Variants in ZBTB46 observed in about 807,000 individuals in gnomAD.
ZBTB46 encodes zinc finger and BTB domain containing 46, also known as zinc finger and BTB domain-containing protein 46.
Under a neutral mutation model 44.1 loss-of-function variants are expected in ZBTB46, and 8 were observed. The ratio of observed to expected loss-of-function variants is 0.18; its 90% CI spans 0.11 to 0.33. The LOEUF is 0.33. Among genes scored for constraint, ZBTB46 ranks in the 10% least tolerant of loss-of-function variants. The pLI, the probability that ZBTB46 is intolerant of heterozygous loss-of-function variation, is 1.00. For synonymous variants in ZBTB46, 409 were observed against 382.3 expected, an observed-to-expected ratio of 1.07 and a Z score of -0.81; for missense variants, 651 against 847.7, an observed-to-expected ratio of 0.77 and a Z score of 2.88.
At chr20:63,771,411 C>T (rs961415104) in intron 3 of ZBTB46, among the ~76,000 whole-genome samples, 2 of 152,162 alleles carry the variant, frequency 1.3e-5, no homozygotes, top group Non-Finnish European at 1.5e-5. Flanking sequence ...AGGGGGGCCA[C>T]GCGGTCCCGC....
At chr20:63,816,148 TGCA>T (rs2092756374) in intron 1 of ZBTB46, among the ~76,000 whole-genome samples, 1 of 149,588 alleles carries the variant, frequency 6.7e-6, no homozygotes, top group Non-Finnish European at 1.5e-5. Context: ...TGGGTGCAGG[TGCA>T]GTGGGTGCAG....
At chr20:63,769,256 TG>T (rs2092346786) in intron 3 of ZBTB46, 2 of 985,376 alleles carry the variant, frequency 2.0e-6, no homozygotes, top group African/African-American at 3.5e-5. Context: ...TTACCTGAGC[TG>T]GGGGAGGCTG....
chr20:63,816,111 A>AGTGGGCGCAG (rs1238530199), intron 1 of ZBTB46, among the ~76,000 whole-genome samples: 3 of 138,514 alleles, frequency 2.2e-5, no homozygotes, highest in Non-Finnish European at 4.7e-5. Flanking sequence ...GCGCAGGTGC[A>AGTGGGCGCAG]GTGGGCGCAG....
At chr20:63,817,930 T>C (rs1485168979) in intron 1 of ZBTB46, among the ~76,000 whole-genome samples, 1 of 152,024 alleles carries the variant, frequency 6.6e-6, no homozygotes, top group African/African-American at 2.4e-5. Context: ...CGATGCTGGG[T>C]GTCAGCCTCC....
At position 63,772,765 on chromosome 20, in the gene ZBTB46, A is replaced by ACACACACC. The variant is rs760494766; in HGVS notation, c.1222+2912_1222+2913insGGTGTGTG. The stretch of plus-strand genomic sequence containing the variant: ...CACACACACACACACACACACACAC[A>ACACACACC]CAGAAGTGCGGGGTGTGCCCTCACC... On this transcript the variant is annotated intron_variant, in intron 3 of 4. Transcript: ENST00000245663. Among the ~76,000 whole-genome samples the ACACACACC allele has an allele frequency of 1.2e-3, 64 of 53,034 alleles. 1 individual carries two copies. Among genetic ancestry groups the ACACACACC allele is most frequent in the Admixed American group, 4.6e-3 (33 of 7,218 alleles). 34.8% of individuals were successfully genotyped at this position (53,034 alleles called of 152,430 possible). A position where few individuals can be genotyped will look rare whatever the true frequency, so the allele number is the denominator to read the frequency against.
intron 2 of ZBTB46, among the ~76,000 whole-genome samples, 200 bp from the exon 3 acceptor site, chr20:63,776,162 A>C (rs1344322209): frequency 6.6e-6 from 1 of 152,208 alleles, no homozygotes; most frequent in African/African-American, 2.4e-5. Context: ...CTGCCCACCC[A>C]GGTCCCATGG....
Position 63,813,477 on chromosome 20 carries a change from T to C in ZBTB46, c.-34+17620A>G, listed in dbSNP as rs555525908. Reference sequence around the variant, plus strand: ...AAAAAAAATAAATAAATAAATAAAATACATTAAGTTGGAAATTCCAATGTA... The same window carrying C: ...AAAAAAAATAAATAAATAAATAAAACACATTAAGTTGGAAATTCCAATGTA... On this transcript the variant is annotated intron_variant, in intron 1 of 4. Transcript: ENST00000245663. Among the ~76,000 whole-genome samples, 27 of 151,608 alleles carry C rather than the reference T, an allele frequency of 1.8e-4. No individual in the cohort carries two copies. The South Asian group carries it at 5.0e-3, about 28-fold the overall frequency.
intron 1 of ZBTB46, among the ~76,000 whole-genome samples, chr20:63,817,631 G>T (rs550083898): frequency 6.7e-6 from 1 of 149,120 alleles, no homozygotes; most frequent in Admixed American, 6.7e-5. Context: ...CAGGAGAATC[G>T]CTTAAACCTG....
chr20:63,815,252 T>C, intron 1 of ZBTB46: 2 of 265,380 alleles, frequency 7.5e-6, no homozygotes, highest in East Asian at 1.4e-4. Flanking sequence ...GCAGGTGCAG[T>C]GGGTGCAGGT....
At chr20:63,796,772 C>T (rs1267831942) in intron 1 of ZBTB46, among the ~76,000 whole-genome samples, 1 of 152,124 alleles carries the variant, frequency 6.6e-6, no homozygotes, top group Admixed American at 6.5e-5. Context: ...TTGCAGTGAG[C>T]CGAGATCATA....
At chr20:63,766,982 G>A (rs1179777463) in intron 3 of ZBTB46, among the ~76,000 whole-genome samples, 1 of 152,142 alleles carries the variant, frequency 6.6e-6, no homozygotes, top group Non-Finnish European at 1.5e-5. Flanking sequence ...GAGCCCACCT[G>A]CTGCTCTGGG....
At chr20:63,831,347 C>G (rs2092850994), upstream of ZBTB46, 1 of 140,760 alleles carries the variant, frequency 7.1e-6, no homozygotes, top group Non-Finnish European at 1.6e-5. Flanking sequence ...CGCCCCCCGG[C>G]GCGCGCCCGG....
Position 63,789,963 on chromosome 20 carries a change from C to G in ZBTB46, c.795G>C (p.Gln265His). The change falls in exon 2 of 5, where the codon CAG becomes CAC. Residue 265 changes from glutamine to histidine, a missense_variant. Coordinates refer to ENST00000245663, the MANE Select transcript of ZBTB46 (RefSeq NM_001369741.1). ...TCCGATTCTTCCTTCGGCCCGTGGG[C>G]TGCCAGGCATCACCAGCACTCTGCT... ...FSEQSAGDAWQPTGRRKNRKN... is the reference protein window; with the variant it reads ...FSEQSAGDAWHPTGRRKNRKN... The G allele has an allele frequency of 6.2e-7, 1 of 1,614,138 alleles. No individual in the cohort carries two copies. The highest frequency in any genetic ancestry group is 2.2e-5 in the East Asian group (1 of 44,882).
chr20:63,811,021 C>T (rs1172362018), intron 1 of ZBTB46, among the ~76,000 whole-genome samples: 3 of 152,244 alleles, frequency 2.0e-5, no homozygotes, highest in South Asian at 2.1e-4. Context: ...CACCAGCCGG[C>T]GTCCGTGTTC....
At chr20:63,808,994 AAAAAAG>A (rs1568895105) in intron 1 of ZBTB46, among the ~76,000 whole-genome samples, 2 of 144,368 alleles carry the variant, frequency 1.4e-5, no homozygotes, top group African/African-American at 2.6e-5. Context: ...AAAAAAAAAA[AAAAAAG>A]AAAAAGAAAA....
At chr20:63,802,259 C>T (rs2092651648) in intron 1 of ZBTB46, among the ~76,000 whole-genome samples, 1 of 152,092 alleles carries the variant, frequency 6.6e-6, no homozygotes, top group South Asian at 2.1e-4. Flanking sequence ...CCCGTCTCTA[C>T]TAAAAATACA....
chr20:63,784,894 C>T lies in ZBTB46; in HGVS notation c.937+4927G>A, dbSNP rs188858954. ...ATGATGCACAGAGGGGTTGGGGCAT[C>T]GGCGTCGAATGATCCACGGTGACCA... On this transcript the variant is annotated intron_variant, in intron 2 of 4. Coordinates refer to ENST00000245663, the MANE Select transcript of ZBTB46 (RefSeq NM_001369741.1). Among the ~76,000 whole-genome samples the T allele has an allele frequency of 4.2e-3, 647 of 152,298 alleles. 14 individuals carry two copies. In the South Asian group the frequency reaches 0.056, roughly 13 times the overall value.
intron 3 of ZBTB46, chr20:63,768,032 A>C: frequency 2.0e-6 from 2 of 985,490 alleles, no homozygotes; most frequent in South Asian, 9.4e-5. Flanking sequence ...GGATAAAAGC[A>C]GCAAGACTTC....
At chr20:63,761,538 G>C (rs6062513) in intron 3 of ZBTB46, among the ~76,000 whole-genome samples, 77,745 of 151,788 alleles carry the variant, frequency 0.51, 20,892 homozygotes, top group African/African-American at 0.65. Context: ...AATCCCAGCA[G>C]TTTGGGAGTC....
Sources: gnomAD v4.1 joint callset for allele counts (sites outside exome capture counted in the v4.1 genomes callset) on GRCh38, gnomAD v4.1.1 for gene constraint, MANE v1.5 for transcripts, NCBI Gene and HGNC (gene_info 2026-07-23, HGNC 2026-07-21) for gene names.